NRXN3: variants seen among roughly 807,000 people sequenced by gnomAD.
NRXN3 encodes neurexin III.
Under a neutral mutation model 137.6 loss-of-function variants are expected in NRXN3, and 32 were observed. That is an observed-to-expected ratio of 0.23 (90% CI 0.18 to 0.31). The LOEUF (loss-of-function observed/expected upper bound fraction) is 0.31. Ranked by LOEUF, NRXN3 falls within the 10% of genes least tolerant of loss-of-function variation. The pLI, the probability that NRXN3 is intolerant of heterozygous loss-of-function variation, is 1.00. For missense variants in NRXN3, 1,574 were observed against 2,062.5 expected (o/e 0.76, Z 4.59); for synonymous variants, 798 against 784.5 (o/e 1.02, Z -0.29).
chr14:79,669,743 T>G (rs2098595803), intron 17 of NRXN3, among the ~76,000 whole-genome samples: 1 of 152,048 alleles, frequency 6.6e-6, no homozygotes, highest in African/African-American at 2.4e-5. Context: ...CAGCATCAGC[T>G]TCCCCTGGGA....
chr14:78,206,860 C>CT (rs113050769), intron 1 of NRXN3, among the ~76,000 whole-genome samples: 39 of 148,978 alleles, frequency 2.6e-4, no homozygotes, highest in African/African-American at 5.2e-4. Flanking sequence ...ATCGGACATT[C>CT]TTTTTTTTTT....
At chr14:78,174,732 G>A (rs1389426361) in intron 1 of NRXN3, among the ~76,000 whole-genome samples, 1 of 152,146 alleles carries the variant, frequency 6.6e-6, no homozygotes, top group Admixed American at 6.5e-5. Flanking sequence ...TGGTCAGTGG[G>A]GAAGAGTCCT....
At chr14:79,756,671 A>G (rs1191194764) in intron 19 of NRXN3, among the ~76,000 whole-genome samples, 1 of 152,140 alleles carries the variant, frequency 6.6e-6, no homozygotes, top group Admixed American at 6.5e-5. Flanking sequence ...ACTTTCTTAT[A>G]CCAGTCAAAT....
At chr14:78,875,601 T>C (rs1157900320) in intron 10 of NRXN3, among the ~76,000 whole-genome samples, 1 of 152,208 alleles carries the variant, frequency 6.6e-6, no homozygotes, top group Non-Finnish European at 1.5e-5. Context: ...AACTCTCCAT[T>C]TGAATACCAT....
At chr14:79,058,189 G>A (rs1236480373) in intron 15 of NRXN3, among the ~76,000 whole-genome samples, 3 of 152,042 alleles carry the variant, frequency 2.0e-5, no homozygotes, top group Admixed American at 6.5e-5. Flanking sequence ...TTTAACAGGG[G>A]TGATTAAAAG....
chr14:78,690,752 A>G (rs536653154), intron 6 of NRXN3, among the ~76,000 whole-genome samples: 10 of 152,344 alleles, frequency 6.6e-5, no homozygotes, highest in African/African-American at 2.4e-4. Context: ...GACCATTAAC[A>G]GAAATAAGGA....
chr14:78,935,560 A>C (rs555464920), intron 10 of NRXN3, among the ~76,000 whole-genome samples: 10 of 152,306 alleles, frequency 6.6e-5, no homozygotes, highest in African/African-American at 1.9e-4. Flanking sequence ...CTATGTACAC[A>C]GTTGTTACTG....
chr14:78,788,609 C>T (rs566836630), intron 8 of NRXN3, among the ~76,000 whole-genome samples: 1 of 152,298 alleles, frequency 6.6e-6, no homozygotes, highest in South Asian at 2.1e-4. Context: ...TTCCCTTCCT[C>T]TGCACTCTAG....
At chr14:79,239,929 A>G (rs2074008408) in intron 15 of NRXN3, among the ~76,000 whole-genome samples, 1 of 152,196 alleles carries the variant, frequency 6.6e-6, no homozygotes, top group Non-Finnish European at 1.5e-5. Flanking sequence ...CTAAAACAGC[A>G]TAGTTTCACT....
chr14:78,589,917 A>G (rs1248772117), intron 4 of NRXN3, among the ~76,000 whole-genome samples: 2 of 152,188 alleles, frequency 1.3e-5, no homozygotes, highest in Non-Finnish European at 2.9e-5. Context: ...AAATCGCACC[A>G]TTGCACTCCA....
chr14:78,781,908 C>T (rs2098771203), intron 8 of NRXN3, among the ~76,000 whole-genome samples: 1 of 152,220 alleles, frequency 6.6e-6, no homozygotes, highest in Admixed American at 6.5e-5. Context: ...GAAAAGAATA[C>T]TTTGCAAAAT....
At chr14:78,369,883 AT>A in intron 4 of NRXN3, among the ~76,000 whole-genome samples, 1 of 151,930 alleles carries the variant, frequency 6.6e-6, no homozygotes, top group East Asian at 1.9e-4. Flanking sequence ...CAAGTGGCAA[AT>A]TTTAAGATCA....
intron 8 of NRXN3, among the ~76,000 whole-genome samples, chr14:78,763,064 A>C (rs2098697878): frequency 6.6e-6 from 1 of 152,344 alleles, no homozygotes; most frequent in African/African-American, 2.4e-5. Flanking sequence ...TAAGGGTGGC[A>C]GGGACTACAA....
At chr14:79,284,163 C>CT (rs1476326250) in intron 15 of NRXN3, among the ~76,000 whole-genome samples, 2 of 150,038 alleles carry the variant, frequency 1.3e-5, no homozygotes, top group Non-Finnish European at 3.0e-5. Context: ...TTTTTTCCTT[C>CT]TTTTTTTCCC....
At chr14:79,501,716 TC>T (rs1676220654) in intron 16 of NRXN3, among the ~76,000 whole-genome samples, 1 of 148,938 alleles carries the variant, frequency 6.7e-6, no homozygotes, top group Admixed American at 6.7e-5. Flanking sequence ...CAAATTAGCC[TC>T]CTCTTTGAGC....
chr14:78,769,269 C>T (rs905464313), intron 8 of NRXN3, among the ~76,000 whole-genome samples: 2 of 152,326 alleles, frequency 1.3e-5, no homozygotes, highest in African/African-American at 4.8e-5. Context: ...ATCACAATAT[C>T]ACAGGCTGTC....
At chr14:79,752,129 A>G (rs1002234016) in intron 19 of NRXN3, among the ~76,000 whole-genome samples, 1 of 152,194 alleles carries the variant, frequency 6.6e-6, no homozygotes, top group African/African-American at 2.4e-5. Flanking sequence ...ATTGATTGGA[A>G]TAGTTTCAGA....
intron 16 of NRXN3, among the ~76,000 whole-genome samples, chr14:79,511,068 A>G (rs765779588): frequency 3.3e-5 from 5 of 152,196 alleles, no homozygotes; most frequent in Non-Finnish European, 7.3e-5. Context: ...ATTCTGTTAA[A>G]GAGGAAGAAA....
At chr14:79,294,302 A>G (rs967441423) in intron 15 of NRXN3, among the ~76,000 whole-genome samples, 8 of 152,210 alleles carry the variant, frequency 5.3e-5, no homozygotes, top group African/African-American at 1.9e-4. Context: ...ATTACATAGG[A>G]AAGGGTATGT....
Sources: gnomAD v4.1 joint callset for allele counts (sites outside exome capture counted in the v4.1 genomes callset) on GRCh38, gnomAD v4.1.1 for gene constraint, MANE v1.5 for transcripts, NCBI Gene and HGNC (gene_info 2026-07-23, HGNC 2026-07-21) for gene names.